TMC1: variants seen among roughly 807,000 people sequenced by gnomAD.
TMC1 encodes transmembrane channel like 1, also known as transmembrane channel-like protein 1.
TMC1 carries 84 observed loss-of-function variants against 105.8 expected under a neutral mutation model. That is an observed-to-expected ratio of 0.79 (90% CI 0.67 to 0.95). TMC1 has a LOEUF of 0.95. Among genes scored for constraint, TMC1 ranks in the 40% least tolerant of loss-of-function variants. The probability of loss-of-function intolerance (pLI) is 0.00; values close to 1 mark genes in which losing one functional copy is unlikely to be tolerated. For missense variants in TMC1, 817 were observed against 914.1 expected, an observed-to-expected ratio of 0.89 and a Z score of 1.37; for synonymous variants, 315 against 311.5, an observed-to-expected ratio of 1.01 and a Z score of -0.12.
chr9:72,530,489 C>T (rs998384823), intron 1 of TMC1, among the ~76,000 whole-genome samples: 11 of 151,830 alleles, frequency 7.2e-5, no homozygotes, highest in African/African-American at 2.2e-4. Flanking sequence ...ACTCAGGAGG[C>T]TGAGGCAGAA....
At chr9:72,611,149 ATGT>A (rs1271739087) in intron 2 of TMC1, among the ~76,000 whole-genome samples, 5 of 152,214 alleles carry the variant, frequency 3.3e-5, no homozygotes, top group African/African-American at 9.6e-5. Context: ...CCTTCAGGAA[ATGT>A]TGTCGGCTTT....
At chr9:72,703,082 C>T (rs1044971689) in intron 8 of TMC1, among the ~76,000 whole-genome samples, 3 of 151,682 alleles carry the variant, frequency 2.0e-5, no homozygotes, top group African/African-American at 4.8e-5. Flanking sequence ...ACCATGAAAT[C>T]GATTTTCTTT....
At chr9:72,831,790 G>A (rs943434724) in intron 23 of TMC1, among the ~76,000 whole-genome samples, 3 of 151,986 alleles carry the variant, frequency 2.0e-5, no homozygotes, top group Non-Finnish European at 4.4e-5. Flanking sequence ...TGGCTGCATA[G>A]TATTCCATGG....
intron 2 of TMC1, among the ~76,000 whole-genome samples, chr9:72,591,344 C>G (rs1824636864): frequency 6.6e-6 from 1 of 152,182 alleles, no homozygotes; most frequent in Non-Finnish European, 1.5e-5. Context: ...GCCTTGGTGT[C>G]ACCCACAGAG....
intron 8 of TMC1, among the ~76,000 whole-genome samples, chr9:72,705,871 A>G (rs1826729392): frequency 6.6e-6 from 1 of 152,136 alleles, no homozygotes; most frequent in Admixed American, 6.5e-5. Flanking sequence ...ACCCTGACCT[A>G]TTGTTTCTGG....
At chr9:72,611,967 C>T (rs542474030) in intron 2 of TMC1, among the ~76,000 whole-genome samples, 34 of 152,172 alleles carry the variant, frequency 2.2e-4, no homozygotes, top group Non-Finnish European at 4.6e-4. Flanking sequence ...GCTCTATGAC[C>T]CGGGAGGCTG....
chr9:72,632,494 G>T (rs1825467205), intron 4 of TMC1, among the ~76,000 whole-genome samples: 2 of 152,106 alleles, frequency 1.3e-5, no homozygotes, highest in African/African-American at 4.8e-5. Context: ...AGGGCATAGG[G>T]TAAGAGGACG....
At chr9:72,562,432 C>A (rs1433903535) in intron 1 of TMC1, among the ~76,000 whole-genome samples, 1 of 152,126 alleles carries the variant, frequency 6.6e-6, no homozygotes, top group Non-Finnish European at 1.5e-5. Context: ...CACCTTTGTG[C>A]TATGTTATAT....
intron 17 of TMC1, among the ~76,000 whole-genome samples, chr9:72,800,314 A>G (rs1215455529): frequency 2.0e-5 from 3 of 152,192 alleles, no homozygotes; most frequent in African/African-American, 4.8e-5. Flanking sequence ...TAGGAAGTAC[A>G]GTTTTAGAAA....
At chr9:72,726,799 T>A (rs1366249053) in intron 8 of TMC1, among the ~76,000 whole-genome samples, 1 of 152,152 alleles carries the variant, frequency 6.6e-6, no homozygotes, top group African/African-American at 2.4e-5. Context: ...TTTTGAAAAA[T>A]GTTTTGAAAA....
At chr9:72,716,160 A>G (rs573448273) in intron 8 of TMC1, among the ~76,000 whole-genome samples, 2 of 152,308 alleles carry the variant, frequency 1.3e-5, no homozygotes, top group South Asian at 4.1e-4. Context: ...CATCCACCAG[A>G]TACCAGCCAG....
chr9:72,708,621 T>C (rs1826784378), intron 8 of TMC1, among the ~76,000 whole-genome samples: 1 of 152,180 alleles, frequency 6.6e-6, no homozygotes, highest in Non-Finnish European at 1.5e-5. Context: ...TAATTTTGTA[T>C]CCTGAAACTT....
intron 8 of TMC1, among the ~76,000 whole-genome samples, chr9:72,703,467 G>T (rs1826679660): frequency 6.6e-6 from 1 of 152,150 alleles, no homozygotes; most frequent in Non-Finnish European, 1.5e-5. Context: ...CAGATGTTCA[G>T]CTTTTCATGA....
rs188634480 is a variant in TMC1, at chr9:72,786,475, A to C, written c.885-1864A>C. Among the ~76,000 whole-genome samples, 261 of 151,826 alleles carry C rather than the reference A, an allele frequency of 1.7e-3. 1 individual carries two copies. Among genetic ancestry groups the C allele is most frequent in the African/African-American group, 6.1e-3 (252 of 41,316 alleles). On this transcript the variant is annotated intron_variant, in intron 13 of 23. Transcript: ENST00000297784. ...AACAAAACAAAAACAAAAACAAAAC[A>C]AACAAAAAGAAACACCTTAGGCAAC...
At chr9:72,768,124 C>T (rs1014323299) in intron 12 of TMC1, among the ~76,000 whole-genome samples, 1 of 152,138 alleles carries the variant, frequency 6.6e-6, no homozygotes, top group Non-Finnish European at 1.5e-5. Context: ...ACATATACAC[C>T]ATGGCATACT....
intron 14 of TMC1, among the ~76,000 whole-genome samples, 173 bp from the exon 15 acceptor site, chr9:72,788,950 A>G (rs1322332265): frequency 6.6e-6 from 1 of 152,104 alleles, no homozygotes; most frequent in Non-Finnish European, 1.5e-5. Context: ...CTTACTTGCC[A>G]TCGTTTGTTG....
chr9:72,692,573 A>G (rs910966557), intron 6 of TMC1, among the ~76,000 whole-genome samples: 2 of 152,184 alleles, frequency 1.3e-5, no homozygotes, highest in Non-Finnish European at 2.9e-5. Context: ...AATACAAAAA[A>G]TACTAAAATT....
intron 2 of TMC1, among the ~76,000 whole-genome samples, chr9:72,583,343 A>T (rs1283142806): frequency 6.6e-6 from 1 of 152,234 alleles, no homozygotes; most frequent in Non-Finnish European, 1.5e-5. Context: ...CTGGGATGTT[A>T]TGTTATGCTT....
chr9:72,728,531 T>C (rs1827158876), intron 8 of TMC1, among the ~76,000 whole-genome samples: 1 of 152,194 alleles, frequency 6.6e-6, no homozygotes, highest in South Asian at 2.1e-4. Flanking sequence ...CTTTATACCA[T>C]ATTTTTGGCA....
Sources: gnomAD v4.1 joint callset for allele counts (sites outside exome capture counted in the v4.1 genomes callset) on GRCh38, gnomAD v4.1.1 for gene constraint, MANE v1.5 for transcripts, NCBI Gene and HGNC (gene_info 2026-07-23, HGNC 2026-07-21) for gene names.